Variants in PPL observed in about 807,000 individuals in gnomAD.
The protein encoded by PPL is periplakin.
Under a neutral mutation model 194.4 loss-of-function variants are expected in PPL, and 198 were observed. That is an observed-to-expected ratio of 1.02 (90% confidence interval 0.91 to 1.15). The LOEUF (loss-of-function observed/expected upper bound fraction) is 1.15. Ranked by LOEUF, PPL falls within the 50% of genes most tolerant of loss-of-function variation. The pLI is 0.00. For synonymous variants in PPL, 1,220 were observed against 972.4 expected, an observed-to-expected ratio of 1.25 and a Z score of -4.74; for missense variants, 2,885 against 2,294.8, an observed-to-expected ratio of 1.26 and a Z score of -5.25.
rs151207594 is a variant in PPL, at chr16:4,924,603, A to T, written c.62+12381T>A. On this transcript the variant is annotated intron_variant, in intron 1 of 21. Coordinates refer to ENST00000345988, the MANE Select transcript of PPL (RefSeq NM_002705.5). Reference sequence around the variant, plus strand: ...TCACTGATTAGATGTCTGCCCCAGGACAGGGTCTCCTCTGTGGGTCCCTCC... The same window carrying T: ...TCACTGATTAGATGTCTGCCCCAGGTCAGGGTCTCCTCTGTGGGTCCCTCC... Among the ~76,000 whole-genome samples, 71 of 152,260 alleles carry T rather than the reference A, an allele frequency of 4.7e-4. No individual in the cohort carries two copies. In the East Asian group the frequency reaches 0.013, roughly 29 times the overall value.
At chr16:4,891,650 G>T in intron 16 of PPL, 161 bp downstream of exon 16, 1 of 848,000 alleles carries the variant, frequency 1.2e-6, no homozygotes, top group Non-Finnish European at 1.8e-6. Context: ...GAATAGCTTG[G>T]ATTTGTGCTG....
chr16:4,889,124 A>G, intron 18 of PPL, 63 bp from the exon 19 acceptor site: 1 of 1,273,206 alleles, frequency 7.9e-7, no homozygotes, highest in Non-Finnish European at 1.1e-6. Flanking sequence ...GCAACCATGG[A>G]TGCAGTAGCT....
At position 4,887,192 on chromosome 16, in the gene PPL, A is replaced by G. The variant is rs559367407; in HGVS notation, c.2550T>C (p.Tyr850=). ...TCTGCAGCCTCTGTCTGTTGATGGC[A>G]TAAACTTCAGTGAACTTGGCGGCAA... ...AALAAKFTEV[Y]AINRQRLQNL... Residue 850 remains tyrosine (Y), a synonymous_variant, in exon 21 of 22, where the codon TAT becomes TAC. Transcript: ENST00000345988. 6.8e-6 allele frequency: 11 copies of G among 1,614,184 alleles called. No individual in the cohort carries two copies. The South Asian group carries it at 1.1e-4, about 16-fold the overall frequency.
rs370963395 is a variant in PPL, at chr16:4,900,886, G to A, written c.565-15C>T. 2.6e-5 allele frequency: 42 copies of A among 1,613,976 alleles called. 1 individual carries two copies. Among genetic ancestry groups the A allele is most frequent in the South Asian group, 3.3e-5 (3 of 91,084 alleles). On this transcript the variant is annotated splice_polypyrimidine_tract_variant and intron_variant, in intron 5 of 21. Coordinates refer to ENST00000345988, the MANE Select transcript of PPL (RefSeq NM_002705.5). ...CTGTTCTGCTCCTGAGGACAGAGCC[G>A]AGGGCATGGGTCAGGGCCAGGAAGC... is the stretch of plus-strand genomic sequence containing the variant.
Position 4,904,991 on chromosome 16 carries a change from C to G in PPL, c.163-951G>C, listed in dbSNP as rs144017293. Among the ~76,000 whole-genome samples, 221 of 152,240 alleles carry G rather than the reference C, an allele frequency of 1.5e-3. 1 individual carries two copies. Among genetic ancestry groups the G allele is most frequent in the Non-Finnish European group, 2.5e-3 (169 of 68,012 alleles). ...CGGGACAGTAGGTTTCTAATCACAG[C>G]GGGTTAATTCACTGTGTCAATATTC... On this transcript the variant is annotated intron_variant, in intron 2 of 21. Coordinates refer to ENST00000345988, the MANE Select transcript of PPL (RefSeq NM_002705.5).
chr16:4,912,139 C>T (rs1457348520), intron 1 of PPL, among the ~76,000 whole-genome samples: 1 of 152,160 alleles, frequency 6.6e-6, no homozygotes, highest in African/African-American at 2.4e-5. Context: ...ATCGTGCAAC[C>T]ATCACCACTA....
At chr16:4,907,271 T>C (rs1312324950) in intron 2 of PPL, among the ~76,000 whole-genome samples, 2 of 142,444 alleles carry the variant, frequency 1.4e-5, no homozygotes, top group Admixed American at 7.1e-5. Flanking sequence ...CAATAAAAAA[T>C]AAAAATAAAA....
At chr16:4,920,699 G>C (rs1237065677) in intron 1 of PPL, among the ~76,000 whole-genome samples, 1 of 152,192 alleles carries the variant, frequency 6.6e-6, no homozygotes, top group African/African-American at 2.4e-5. Context: ...CTGATCAGGT[G>C]ATCTGCCTGC....
chr16:4,921,658 G>C (rs915873776), intron 1 of PPL, among the ~76,000 whole-genome samples: 10 of 152,076 alleles, frequency 6.6e-5, no homozygotes, highest in Non-Finnish European at 1.2e-4. Flanking sequence ...GTAGAGATGG[G>C]GTTTCACCGT....
At position 4,884,802 on chromosome 16, in the gene PPL, G is replaced by C. The variant is rs147574852; in HGVS notation, c.3853C>G (p.Gln1285Glu). 2.5e-6 allele frequency: 4 copies of C among 1,614,104 alleles called. No individual in the cohort carries two copies. The highest frequency in any genetic ancestry group is 1.3e-5 in the African/African-American group (1 of 75,018). ...TGGACCACCTCTTTGGTCTGGACCT[G>C]GGGTTTGGTGTCTTTCAGGGCCTGG... ...EIQALKDTKPQVQTKEVVQEI... is the reference protein window; with the variant it reads ...EIQALKDTKPEVQTKEVVQEI... The change falls in exon 22 of 22, where the codon CAG (glutamine) becomes GAG (glutamate). Residue 1285 changes from glutamine to glutamate, a missense_variant. Transcript: ENST00000345988. This position sits in a 1 kb window ranked among gnomAD's most constrained non-coding sequence, Gnocchi z 5.7.
Position 4,890,336 on chromosome 16 carries a change from T to C in PPL, c.2163-2A>G. On this transcript the variant is annotated splice_acceptor_variant, in intron 17 of 21. Transcript: ENST00000345988. LOFTEE classifies it high-confidence loss of function. Reference sequence around the variant, plus strand: ...TTGGCGCTCTGTAGGCTCTGCGCCCTGTCAAGGCAAAGCGTTCAGGCCTCA... The same window carrying C: ...TTGGCGCTCTGTAGGCTCTGCGCCCCGTCAAGGCAAAGCGTTCAGGCCTCA... 1 of 1,609,652 alleles carries C rather than the reference T, an allele frequency of 6.2e-7. No individual in the cohort carries two copies. Among genetic ancestry groups the C allele is most frequent in the Admixed American group, 1.7e-5 (1 of 59,650 alleles).
rs749864672 is a variant in PPL at position 4,890,795 on chromosome 16, G to A, written c.2095C>T (p.Arg699Cys). 1.6e-5 allele frequency: 25 copies of A among 1,606,044 alleles called. No individual in the cohort carries two copies. The highest frequency in any genetic ancestry group is 4.5e-5 in the East Asian group (2 of 44,604). ...AGCTTGTGCACCTCGGCCTCCTGGC[G>A]CTCCAGGTCCGGACAGTGCTCCTGG... is the stretch of plus-strand genomic sequence containing the variant. ...RFQEHCPDLE[R>C]QEAEVHKLGQ... Residue 699 changes from arginine to cysteine, a missense_variant, in exon 17 of 22, where the codon CGC (arginine) becomes TGC (cysteine). Transcript: ENST00000345988.
chr16:4,903,847 C>G (rs2088626012), intron 3 of PPL, 39 bp downstream of exon 3: 2 of 1,609,854 alleles, frequency 1.2e-6, no homozygotes, highest in East Asian at 4.5e-5. Flanking sequence ...CCCATAGCCC[C>G]CAATGGCTCC....
chr16:4,894,896 T>C (rs568349272), intron 11 of PPL, among the ~76,000 whole-genome samples: 4 of 152,294 alleles, frequency 2.6e-5, no homozygotes, highest in Admixed American at 2.6e-4. Context: ...ACATGTGACT[T>C]GGACCTGGCC....
chr16:4,928,404 C>T (rs1010110296), intron 1 of PPL, among the ~76,000 whole-genome samples: 8 of 152,226 alleles, frequency 5.3e-5, no homozygotes, highest in Non-Finnish European at 1.5e-5. Flanking sequence ...TTTGAGAGGG[C>T]TGGCAGGGTG....
Position 4,910,803 on chromosome 16 carries a change from CT to C in PPL, c.162+46del. The C allele has an allele frequency of 6.7e-6, 10 of 1,501,284 alleles. No individual in the cohort carries two copies. The Middle Eastern group carries it at 1.7e-3, about 258-fold the overall frequency. The allele number at this position is 1,501,284 out of a possible 1,614,324, so 93.0% of individuals were successfully genotyped here. ...AAACAGATCCTGGTCCTGAACAGGG[CT>C]GGCAGCACGGGGCACCCAGGTGGGA... is the stretch of plus-strand genomic sequence containing the variant. On this transcript the variant is annotated intron_variant, in intron 2 of 21. Coordinates refer to ENST00000345988, the MANE Select transcript of PPL (RefSeq NM_002705.5).
intron 1 of PPL, among the ~76,000 whole-genome samples, chr16:4,927,973 G>T (rs1287063780): frequency 6.6e-6 from 1 of 152,236 alleles, no homozygotes; most frequent in South Asian, 2.1e-4. Flanking sequence ...GGGCATGGTT[G>T]TGCATGCCTC....
chr16:4,905,437 G>C (rs987364718), intron 2 of PPL, among the ~76,000 whole-genome samples: 1 of 152,172 alleles, frequency 6.6e-6, no homozygotes. Context: ...CCTGGGGCAG[G>C]GCTGGGAAGA....
rs960214676 is a variant in PPL, at chr16:4,901,385, C to T, written c.439-296G>A. On this transcript the variant is annotated intron_variant, in intron 4 of 21. Transcript: ENST00000345988. ...AGGGCCAGTCACCTGCCCAGGGTCA[C>T]GCCAGTAACATTGGGAAAGCTGGCC... Among the ~76,000 whole-genome samples, 12 of 152,292 alleles carry T rather than the reference C, an allele frequency of 7.9e-5. 1 individual carries two copies. The South Asian group carries it at 2.1e-3, about 26-fold the overall frequency.
Sources: gnomAD v4.1 joint callset for allele counts (sites outside exome capture counted in the v4.1 genomes callset) on GRCh38, gnomAD v4.1.1 for gene constraint, Gnocchi (gnomAD v3.1) non-coding constraint, MANE v1.5 for transcripts, NCBI Gene and HGNC (gene_info 2026-07-23, HGNC 2026-07-21) for gene names.